KATNAL1: variants seen among roughly 807,000 people sequenced by gnomAD.
The protein encoded by KATNAL1 is katanin p60 ATPase-containing subunit A-like 1.
In KATNAL1, 32 loss-of-function variants were observed where a neutral mutation model predicts 55.2. The observed-to-expected ratio is 0.58, with a 90% CI of 0.44 to 0.78. The LOEUF (loss-of-function observed/expected upper bound fraction) is 0.78, where lower values mean the gene tolerates loss of function less well. Ranked by LOEUF, KATNAL1 falls within the 30% of genes least tolerant of loss-of-function variation. The probability of loss-of-function intolerance (pLI) is 0.00; values close to 1 mark genes in which losing one functional copy is unlikely to be tolerated. For missense variants in KATNAL1, 466 were observed against 600.9 expected (o/e 0.78, Z 2.35); for synonymous variants, 193 against 193.6 (o/e 1.00, Z 0.02).
intron 1 of KATNAL1, among the ~76,000 whole-genome samples, chr13:30,305,823 C>T (rs1883143373): frequency 6.6e-6 from 1 of 152,132 alleles, no homozygotes; most frequent in African/African-American, 2.4e-5. Context: ...TTATTCTCAC[C>T]ACCTGGCATA....
At chr13:30,214,418 A>G (rs189369041) in intron 9 of KATNAL1, among the ~76,000 whole-genome samples, 30,628 of 152,002 alleles carry the variant, frequency 0.2, 3,224 homozygotes, top group Admixed American at 0.27. Flanking sequence ...ATTGGAAAAA[A>G]CTACTTTAAA....
intron 6 of KATNAL1, among the ~76,000 whole-genome samples, chr13:30,236,616 C>G (rs1876715666): frequency 6.6e-6 from 1 of 152,190 alleles, no homozygotes; most frequent in Non-Finnish European, 1.5e-5. Context: ...ATGTCCATCC[C>G]CAACCTGTCC....
intron 6 of KATNAL1, among the ~76,000 whole-genome samples, chr13:30,237,135 GA>G (rs1455455998): frequency 6.6e-6 from 1 of 152,120 alleles, no homozygotes. Flanking sequence ...ATCACCCAAA[GA>G]CCATGAGCTT....
intron 9 of KATNAL1, among the ~76,000 whole-genome samples, chr13:30,223,503 A>G (rs1875135310): frequency 6.6e-6 from 1 of 151,634 alleles, no homozygotes; most frequent in Non-Finnish European, 1.5e-5. Context: ...TAGGGTAAAA[A>G]TTAAAGATAA....
At chr13:30,266,844 G>A (rs1332760895) in intron 3 of KATNAL1, among the ~76,000 whole-genome samples, 1 of 152,158 alleles carries the variant, frequency 6.6e-6, no homozygotes, top group African/African-American at 2.4e-5. Context: ...TTAAGATCTG[G>A]AGGTACAGAC....
chr13:30,302,057 A>C (rs1405630089), intron 1 of KATNAL1, among the ~76,000 whole-genome samples: 1 of 152,136 alleles, frequency 6.6e-6, no homozygotes, highest in East Asian at 1.9e-4. Context: ...TTTTTTGCAG[A>C]GATGATGTCT....
chr13:30,300,958 A>G (rs1044087797), intron 1 of KATNAL1, among the ~76,000 whole-genome samples: 6 of 152,252 alleles, frequency 3.9e-5, no homozygotes, highest in African/African-American at 1.4e-4. Context: ...ACGTTTCTCA[A>G]AAGTAACCAT....
intron 6 of KATNAL1, among the ~76,000 whole-genome samples, chr13:30,240,010 A>G (rs551368396): frequency 1.3e-5 from 2 of 152,312 alleles, no homozygotes; most frequent in Admixed American, 6.5e-5. Context: ...AAACACAGCT[A>G]AAGACCTCTT....
At chr13:30,261,722 C>T (rs1227763223) in intron 3 of KATNAL1, among the ~76,000 whole-genome samples, 1 of 152,190 alleles carries the variant, frequency 6.6e-6, no homozygotes, top group African/African-American at 2.4e-5. Context: ...TACAGCAAGT[C>T]CTGAGTGACC....
intron 3 of KATNAL1, among the ~76,000 whole-genome samples, chr13:30,261,513 TGGAG>T (rs1381768194): frequency 6.6e-6 from 1 of 151,950 alleles, no homozygotes; most frequent in African/African-American, 2.4e-5. Context: ...AATAAAAGGA[TGGAG>T]GAAGATCTAC....
rs901518051 is a variant in KATNAL1 at position 30,208,370 on chromosome 13, A to G, written c.*170T>C. The G allele has an allele frequency of 1.8e-5, 10 of 568,372 alleles. No homozygotes were observed. The highest frequency in any genetic ancestry group is 1.6e-4 in the South Asian group (6 of 38,262). 35.2% of individuals were successfully genotyped at this position (568,372 alleles called of 1,614,324 possible). On this transcript the variant is annotated 3_prime_UTR_variant, in exon 11 of 11. Coordinates refer to ENST00000380615, the MANE Select transcript of KATNAL1 (RefSeq NM_032116.5). ...GGAGGGAGACTAGCAAACTCTCGCC[A>G]TCAATTATTTCTCAACTACATTTAG...
Position 30,271,994 on chromosome 13 carries a change from T to C in KATNAL1, c.323+8069A>G, listed in dbSNP as rs557364939. ...ATCAAGTATTATGAAGGTTAAACAA[T>C]GTAAGTCCAGAGAAGAGGCATTTTC... is the stretch of plus-strand genomic sequence containing the variant. On this transcript the variant is annotated intron_variant, in intron 3 of 10. Coordinates refer to ENST00000380615, the MANE Select transcript of KATNAL1 (RefSeq NM_032116.5). Among the ~76,000 whole-genome samples, 4 of 150,700 alleles carry C rather than the reference T, an allele frequency of 2.7e-5. No homozygotes were observed. In the East Asian group the frequency reaches 5.9e-4, roughly 22 times the overall value.
At chr13:30,237,037 A>G (rs1876756398) in intron 6 of KATNAL1, among the ~76,000 whole-genome samples, 2 of 152,184 alleles carry the variant, frequency 1.3e-5, no homozygotes, top group African/African-American at 4.8e-5. Flanking sequence ...CTGCCATAGC[A>G]GTGTGTTCAT....
chr13:30,284,535 A>T (rs1881644157), intron 1 of KATNAL1, among the ~76,000 whole-genome samples: 1 of 152,212 alleles, frequency 6.6e-6, no homozygotes. Flanking sequence ...CCCCAAGAAT[A>T]AAAAGTTATA....
intron 9 of KATNAL1, among the ~76,000 whole-genome samples, chr13:30,224,313 T>C (rs1875217661): frequency 6.6e-6 from 1 of 152,076 alleles, no homozygotes; most frequent in East Asian, 1.9e-4. Flanking sequence ...GGAGGATTGC[T>C]TGAGGCCAGG....
At chr13:30,224,159 G>A (rs1212679378) in intron 9 of KATNAL1, among the ~76,000 whole-genome samples, 1 of 151,996 alleles carries the variant, frequency 6.6e-6, no homozygotes, top group Non-Finnish European at 1.5e-5. Flanking sequence ...TAACTTAATA[G>A]TAGAAAAAAT....
chr13:30,282,640 TAAA>T (rs1193595169), intron 2 of KATNAL1, among the ~76,000 whole-genome samples: 3 of 130,134 alleles, frequency 2.3e-5, no homozygotes, highest in Non-Finnish European at 5.0e-5. Flanking sequence ...CCTGTCTCTT[TAAA>T]AAAAAAAAAA....
At chr13:30,228,992 A>T (rs545404741) in intron 8 of KATNAL1, among the ~76,000 whole-genome samples, 1 of 152,296 alleles carries the variant, frequency 6.6e-6, no homozygotes, top group Non-Finnish European at 1.5e-5. Context: ...GCCTCAAGTG[A>T]TCCTCCTACC....
chr13:30,301,196 C>T (rs1343558687), intron 1 of KATNAL1, among the ~76,000 whole-genome samples: 2 of 152,248 alleles, frequency 1.3e-5, no homozygotes, highest in South Asian at 4.1e-4. Context: ...GGCAAAACCC[C>T]GTCTCTACTA....
Sources: allele counts gnomAD v4.1 joint callset (sites outside exome capture counted in the v4.1 genomes callset), GRCh38; gene constraint gnomAD v4.1.1; transcripts MANE v1.5; gene names NCBI Gene and HGNC (gene_info 2026-07-23, HGNC 2026-07-21).